RUSC2: variants seen among roughly 807,000 people sequenced by gnomAD.
RUSC2 encodes the protein RUN and SH3 domain containing 2, also known as AP-4 complex accessory subunit RUSC2.
Under a neutral mutation model 122.2 loss-of-function variants are expected in RUSC2, and 34 were observed. That is an observed-to-expected ratio of 0.28 (90% confidence interval 0.21 to 0.37). The LOEUF (loss-of-function observed/expected upper bound fraction) is 0.37, where lower values mean the gene tolerates loss of function less well. RUSC2 is among the 10% of genes least tolerant of loss of function. RUSC2 has a pLI of 1.00. For missense variants in RUSC2, 1,747 were observed against 1,952.4 expected (o/e 0.89, Z 1.98); for synonymous variants, 784 against 790.0 (o/e 0.99, Z 0.13).
intron 1 of RUSC2, among the ~76,000 whole-genome samples, chr9:35,519,994 A>C (rs955941810): frequency 6.6e-6 from 1 of 152,238 alleles, no homozygotes; most frequent in African/African-American, 2.4e-5. Flanking sequence ...CTGAATACTC[A>C]GGACCCAGGC....
chr9:35,528,841 T>C (rs913024776), intron 1 of RUSC2, among the ~76,000 whole-genome samples: 25 of 152,108 alleles, frequency 1.6e-4, no homozygotes, highest in Admixed American at 1.2e-3. Flanking sequence ...ATCCCAGCAG[T>C]TGGGGAGACC....
intron 1 of RUSC2, among the ~76,000 whole-genome samples, chr9:35,509,848 C>T (rs1263641167): frequency 6.6e-6 from 1 of 152,166 alleles, no homozygotes; most frequent in Non-Finnish European, 1.5e-5. Context: ...TACCACCACC[C>T]TGTAGGAAGG....
chr9:35,547,967 G>T lies in RUSC2; in HGVS notation c.1446G>T (p.Thr482=). ...CTGTGCTTGAGGGACAAGTATACAC[G>T]AATACTTCACCCCCCAACCTCAGCA... The part of the protein sequence containing the change: ...GPTVLEGQVY[T]NTSPPNLSTG... The change falls in exon 2 of 12, where the codon ACG becomes ACT. Residue 482 remains threonine (T), a synonymous_variant. Coordinates refer to ENST00000361226, the MANE Select transcript of RUSC2 (RefSeq NM_014806.5). The surrounding 1 kb of genome is among the most constrained non-coding windows in gnomAD (Gnocchi z 4.6). 6.2e-7 allele frequency: 1 copy of T among 1,614,082 alleles called. No individual in the cohort carries two copies. Among genetic ancestry groups the T allele is most frequent in the Non-Finnish European group, 8.5e-7 (1 of 1,180,022 alleles).
chr9:35,555,764 C>A lies in RUSC2; in HGVS notation c.2656+63C>A. 6.6e-7 allele frequency: 1 copy of A among 1,524,630 alleles called. No homozygotes were observed. The highest frequency in any genetic ancestry group is 8.8e-7 in the Non-Finnish European group (1 of 1,141,514). 94.4% of individuals were successfully genotyped at this position (1,524,630 alleles called of 1,614,324 possible). On this transcript the variant is annotated intron_variant, in intron 3 of 11. Transcript: ENST00000361226. The surrounding 1 kb of genome is among the most constrained non-coding windows in gnomAD (Gnocchi z 4.6). ...TCACGCAAGCACTTCCACCACCTCC[C>A]CTTTGAGTGGTTGCTTACACTCTCA... is the stretch of plus-strand genomic sequence containing the variant.
intron 1 of RUSC2, among the ~76,000 whole-genome samples, chr9:35,541,130 A>C (rs1821634137): frequency 6.6e-6 from 1 of 152,124 alleles, no homozygotes; most frequent in Admixed American, 6.5e-5. Flanking sequence ...GCATGACCTC[A>C]TAACTTTATA....
intron 1 of RUSC2, among the ~76,000 whole-genome samples, chr9:35,544,586 G>A (rs1003671917): frequency 1.4e-4 from 22 of 152,274 alleles, no homozygotes; most frequent in East Asian, 7.7e-4. Context: ...GATTACGGGC[G>A]TGAGCCACTG....
At position 35,558,275 on chromosome 9, in the gene RUSC2, G is replaced by T. The variant is rs780101951; in HGVS notation, c.3139G>T (p.Val1047Leu). Residue 1047 changes from valine to leucine, a missense_variant, in exon 7 of 12, where the codon GTG becomes TTG. Coordinates refer to ENST00000361226, the MANE Select transcript of RUSC2 (RefSeq NM_014806.5). This position sits in a 1 kb window ranked among gnomAD's most constrained non-coding sequence, Gnocchi z 4.3. Reference sequence around the variant, plus strand: ...GTACTTGTGCCCTGCCGTCCGCGCCGTGCTGGAGGATGGGCTCAAGGCCTT... The same window carrying T: ...GTACTTGTGCCCTGCCGTCCGCGCCTTGCTGGAGGATGGGCTCAAGGCCTT... ...LKYLCPAVRAVLEDGLKAFVL... is the reference protein window; with the variant it reads ...LKYLCPAVRALLEDGLKAFVL... 1 of 1,614,172 alleles carries T rather than the reference G, an allele frequency of 6.2e-7. No homozygotes were observed.
chr9:35,526,172 G>T (rs1385928326), intron 1 of RUSC2, among the ~76,000 whole-genome samples: 1 of 152,104 alleles, frequency 6.6e-6, no homozygotes, highest in Non-Finnish European at 1.5e-5. Flanking sequence ...GGCACAGGAA[G>T]ACTCAGTAAC....
chr9:35,528,250 G>A (rs1821357565), intron 1 of RUSC2, among the ~76,000 whole-genome samples: 1 of 151,974 alleles, frequency 6.6e-6, no homozygotes, highest in Non-Finnish European at 1.5e-5. Flanking sequence ...GCCAGGCATG[G>A]TGGCACATGC....
At position 35,555,822 on chromosome 9, in the gene RUSC2, T is replaced by C; in HGVS notation, c.2656+121T>C. On this transcript the variant is annotated intron_variant, in intron 3 of 11. Coordinates refer to ENST00000361226, the MANE Select transcript of RUSC2 (RefSeq NM_014806.5). This position sits in a 1 kb window ranked among gnomAD's most constrained non-coding sequence, Gnocchi z 4.6. ...CCAGAGGTTAGGATGTCTGCATCCC[T>C]CCCTCAGCATCTGTAGATAATATCC... The C allele has an allele frequency of 1.4e-6, 2 of 1,452,542 alleles. No homozygotes were observed. Among genetic ancestry groups the C allele is most frequent in the Non-Finnish European group, 1.9e-6 (2 of 1,076,654 alleles). The allele number at this position is 1,452,542 out of a possible 1,614,324, so 90.0% of individuals were successfully genotyped here. A position where few individuals can be genotyped will look rare whatever the true frequency, so the allele number is the denominator to read the frequency against.
intron 1 of RUSC2, among the ~76,000 whole-genome samples, chr9:35,518,840 C>G (rs901227905): frequency 6.6e-6 from 1 of 152,190 alleles, no homozygotes; most frequent in Admixed American, 6.5e-5. Flanking sequence ...ACTCAGTGCC[C>G]TAGTCTGGGA....
intron 1 of RUSC2, among the ~76,000 whole-genome samples, chr9:35,516,135 C>T (rs1017712192): frequency 6.6e-6 from 1 of 151,448 alleles, no homozygotes; most frequent in Non-Finnish European, 1.5e-5. Flanking sequence ...TTTGTTTCCT[C>T]TAGCTTCTGG....
chr9:35,530,820 G>A (rs1395885168), intron 1 of RUSC2, among the ~76,000 whole-genome samples: 1 of 151,548 alleles, frequency 6.6e-6, no homozygotes, highest in Non-Finnish European at 1.5e-5. Flanking sequence ...TTGTATTTTT[G>A]TAGAGACAGG....
intron 5 of RUSC2, among the ~76,000 whole-genome samples, chr9:35,556,997 C>T (rs1171185784): frequency 6.6e-6 from 1 of 152,092 alleles, no homozygotes; most frequent in Admixed American, 6.6e-5. Context: ...CTGCAGTGAG[C>T]AAAGTCTCAT....
Position 35,557,840 on chromosome 9 carries a change from C to A in RUSC2, c.2984-74C>A. 7.8e-7 allele frequency: 1 copy of A among 1,289,696 alleles called. No homozygotes were observed. Among genetic ancestry groups the A allele is most frequent in the Non-Finnish European group, 1.1e-6 (1 of 884,352 alleles). The allele number at this position is 1,289,696 out of a possible 1,614,324, so 79.9% of individuals were successfully genotyped here. On this transcript the variant is annotated intron_variant, in intron 5 of 11. Transcript: ENST00000361226. This position sits in a 1 kb window ranked among gnomAD's most constrained non-coding sequence, Gnocchi z 4.6. ...TGTGGGAGCCCTTTCCCTGAGGAAACCTGAGGTTTCAGCCCCAGCTGAGTT... is the reference window on the plus strand; with the variant it reads ...TGTGGGAGCCCTTTCCCTGAGGAAAACTGAGGTTTCAGCCCCAGCTGAGTT...
chr9:35,561,126 G>A, intron 11 of RUSC2, 29 bp downstream of exon 11: 1 of 1,613,500 alleles, frequency 6.2e-7, no homozygotes, highest in Non-Finnish European at 8.5e-7. Flanking sequence ...AAGGGCTGAG[G>A]GGGGCGGGGG....
chr9:35,556,214 C>T, intron 4 of RUSC2, 77 bp downstream of exon 4: 1 of 1,597,632 alleles, frequency 6.3e-7, no homozygotes, highest in Non-Finnish European at 8.5e-7. Flanking sequence ...GGGTCAGTCC[C>T]AAAGGAACGT....
chr9:35,551,375 C>T (rs574228430), intron 2 of RUSC2, among the ~76,000 whole-genome samples: 136 of 151,992 alleles, frequency 8.9e-4, no homozygotes, highest in African/African-American at 3.1e-3. Context: ...GATCACAGTC[C>T]ATCAGAAGAC....
intron 1 of RUSC2, among the ~76,000 whole-genome samples, chr9:35,495,682 A>G (rs911259663): frequency 1.3e-5 from 2 of 152,020 alleles, no homozygotes; most frequent in Admixed American, 6.6e-5. Flanking sequence ...GAATTTTAGG[A>G]TGGATTTTAC....
Sources: allele counts gnomAD v4.1 joint callset (sites outside exome capture counted in the v4.1 genomes callset), GRCh38; gene constraint gnomAD v4.1.1; non-coding constraint Gnocchi (gnomAD v3.1); transcripts MANE v1.5; gene names NCBI Gene and HGNC (gene_info 2026-07-23, HGNC 2026-07-21).